The following STX8 variants were observed in gnomAD, a reference collection of about 807,000 sequenced individuals.
STX8 encodes syntaxin-8.
A neutral mutation model predicts 37.5 loss-of-function variants in STX8; 23 were observed. The observed-to-expected ratio is 0.61, with a 90% CI of 0.44 to 0.87. STX8 has a LOEUF of 0.87. STX8 is among the 40% of genes least tolerant of loss of function. The pLI is 0.00. For missense variants in STX8, 313 were observed against 284.7 expected, an observed-to-expected ratio of 1.10 and a Z score of -0.71; for synonymous variants, 115 against 99.1, an observed-to-expected ratio of 1.16 and a Z score of -0.95.
intron 6 of STX8, among the ~76,000 whole-genome samples, chr17:9,429,385 T>C (rs1913762129): frequency 6.9e-6 from 1 of 145,082 alleles, no homozygotes; most frequent in Non-Finnish European, 1.5e-5. Context: ...ATAACATATA[T>C]TTATATATTA....
intron 6 of STX8, among the ~76,000 whole-genome samples, chr17:9,487,307 C>T (rs114024648): frequency 6.6e-4 from 100 of 152,234 alleles, no homozygotes; most frequent in African/African-American, 2.3e-3. Context: ...TTCAGCAGGC[C>T]GGTAAATCAC....
chr17:9,502,338 T>C (rs1904648096), intron 5 of STX8, among the ~76,000 whole-genome samples: 1 of 152,052 alleles, frequency 6.6e-6, no homozygotes, highest in South Asian at 2.1e-4. Flanking sequence ...GGTCACAGAA[T>C]ACAAAATTTC....
intron 6 of STX8, among the ~76,000 whole-genome samples, chr17:9,418,843 G>C (rs868342012): frequency 4.1e-5 from 6 of 145,622 alleles, no homozygotes; most frequent in African/African-American, 1.3e-4. Context: ...AAAAAAAGGG[G>C]GGGGGGAAGG....
At chr17:9,317,234 G>T (rs1909412694) in intron 7 of STX8, among the ~76,000 whole-genome samples, 1 of 152,148 alleles carries the variant, frequency 6.6e-6, no homozygotes, top group South Asian at 2.1e-4. Context: ...GAACGTAAAT[G>T]GGATAGGGCT....
In STX8 at chr17:9,296,039, A is replaced by AT. The variant is rs1414512267; in HGVS notation, c.644-45395_644-45394insA. On this transcript the variant is annotated intron_variant, in intron 7 of 7. Coordinates refer to ENST00000306357, the MANE Select transcript of STX8 (RefSeq NM_004853.3). ...CCCTGCCTCTGCTAAAAATACAAAA[A>AT]ATTAGCCGGGGGCGGTGGCGGGTGC... Among the ~76,000 whole-genome samples the AT allele has an allele frequency of 1.6e-4, 24 of 151,968 alleles. No individual in the cohort carries two copies. The East Asian group carries it at 4.1e-3, about 26-fold the overall frequency.
chr17:9,367,425 C>T (rs1597627609), intron 7 of STX8, among the ~76,000 whole-genome samples: 1 of 152,118 alleles, frequency 6.6e-6, no homozygotes, highest in East Asian at 1.9e-4. Flanking sequence ...TCTGGCCCTG[C>T]AGCTGTCACT....
chr17:9,265,773 T>C (rs1476416576), intron 7 of STX8, among the ~76,000 whole-genome samples: 1 of 152,222 alleles, frequency 6.6e-6, no homozygotes, highest in East Asian at 1.9e-4. Context: ...CAAAAAGCTC[T>C]GCCCTCACCA....
intron 2 of STX8, among the ~76,000 whole-genome samples, chr17:9,563,192 TATTTATTG>T (rs1439130600): frequency 3.4e-5 from 5 of 146,650 alleles, no homozygotes; most frequent in Admixed American, 6.7e-5. Context: ...TTTATTTATT[TATTTATTG>T]AGACAGAGTT....
chr17:9,398,379 T>C lies in STX8; in HGVS notation c.542-19726A>G, dbSNP rs186040189. Among the ~76,000 whole-genome samples the C allele has an allele frequency of 2.0e-3, 303 of 152,302 alleles. 1 individual carries two copies. The highest frequency in any genetic ancestry group is 6.6e-3 in the African/African-American group (275 of 41,576). ...AAACATCAGGCAAATTCTAGCTGTG[T>C]AGTATCCTACGAAATACCTGAGCAT... On this transcript the variant is annotated intron_variant, in intron 6 of 7. Coordinates refer to ENST00000306357, the MANE Select transcript of STX8 (RefSeq NM_004853.3).
intron 5 of STX8, among the ~76,000 whole-genome samples, chr17:9,493,302 A>G (rs980750286): frequency 2.6e-5 from 4 of 152,122 alleles, no homozygotes; most frequent in African/African-American, 9.7e-5. Context: ...TAAAAAAGAA[A>G]ATGAACCAAG....
At chr17:9,549,885 A>C (rs961989396) in intron 3 of STX8, among the ~76,000 whole-genome samples, 2 of 152,118 alleles carry the variant, frequency 1.3e-5, no homozygotes, top group South Asian at 4.1e-4. Flanking sequence ...AAAGTAGGGT[A>C]GTGGGGAAAC....
intron 1 of STX8, chr17:9,569,549 T>C (rs1907598931): frequency 6.5e-6 from 1 of 153,158 alleles, no homozygotes; most frequent in Non-Finnish European, 1.5e-5. Context: ...AAGCTTCTAG[T>C]TGTCATTCAG....
intron 3 of STX8, among the ~76,000 whole-genome samples, chr17:9,550,149 G>A (rs372132184): frequency 3.9e-5 from 6 of 151,968 alleles, no homozygotes; most frequent in South Asian, 2.1e-4. Flanking sequence ...GCTGGAACCC[G>A]GGAGGCAGAG....
intron 4 of STX8, among the ~76,000 whole-genome samples, chr17:9,524,139 G>C (rs1160017380): frequency 6.6e-6 from 1 of 152,160 alleles, no homozygotes; most frequent in East Asian, 1.9e-4. Flanking sequence ...GGACTGATAT[G>C]GAAATTACTG....
At chr17:9,546,114 T>C (rs1906497592) in intron 3 of STX8, among the ~76,000 whole-genome samples, 1 of 152,222 alleles carries the variant, frequency 6.6e-6, no homozygotes, top group African/African-American at 2.4e-5. Context: ...TATAAAGTGC[T>C]ACTTTATGCA....
At chr17:9,341,421 C>T (rs1261057011) in intron 7 of STX8, among the ~76,000 whole-genome samples, 2 of 152,226 alleles carry the variant, frequency 1.3e-5, no homozygotes, top group South Asian at 2.1e-4. Flanking sequence ...AGAGTAGTCG[C>T]CACAAGACAT....
rs151037275 is a variant in STX8, at chr17:9,326,193, C to T, written c.643+52359G>A. On this transcript the variant is annotated intron_variant, in intron 7 of 7. Transcript: ENST00000306357. ...TCATCCAGGCTAGAGTGCAGTGGCA[C>T]GATCATGGCTCATTGCAGCCTTGAC... Among the ~76,000 whole-genome samples, 580 of 151,946 alleles carry T rather than the reference C, an allele frequency of 3.8e-3. 7 individuals carry two copies. The highest frequency in any genetic ancestry group is 0.01 in the African/African-American group (434 of 41,456).
chr17:9,263,450 G>A (rs1264964031), intron 7 of STX8, among the ~76,000 whole-genome samples: 1 of 152,234 alleles, frequency 6.6e-6, no homozygotes, highest in Admixed American at 6.5e-5. Context: ...TTGCACTCCA[G>A]CCTGGGTAAC....
At chr17:9,458,217 T>C (rs915684228) in intron 6 of STX8, among the ~76,000 whole-genome samples, 13 of 152,264 alleles carry the variant, frequency 8.5e-5, no homozygotes, top group African/African-American at 3.1e-4. Flanking sequence ...TGGCGCCATC[T>C]TGGCTCACTG....
Sources: allele counts gnomAD v4.1 joint callset (sites outside exome capture counted in the v4.1 genomes callset), GRCh38; gene constraint gnomAD v4.1.1; transcripts MANE v1.5; gene names NCBI Gene and HGNC (gene_info 2026-07-23, HGNC 2026-07-21).